The following FLT1 variants were observed in gnomAD, a reference collection of about 807,000 sequenced individuals.
The protein encoded by FLT1 is fms related receptor tyrosine kinase 1.
In FLT1, 49 loss-of-function variants were observed where a neutral mutation model predicts 156.3. The observed-to-expected ratio is 0.31, with a 90% CI of 0.25 to 0.40. FLT1 has a LOEUF of 0.40. FLT1 is among the 10% of genes least tolerant of loss of function. The pLI, the probability that FLT1 is intolerant of heterozygous loss-of-function variation, is 1.00. For missense variants in FLT1, 1,322 were observed against 1,637.2 expected (o/e 0.81, Z 3.32); for synonymous variants, 594 against 583.8 (o/e 1.02, Z -0.25).
chr13:28,385,962 C>T, intron 13 of FLT1: 1 of 1,050,782 alleles, frequency 9.5e-7, no homozygotes, highest in Non-Finnish European at 1.1e-6. Flanking sequence ...AAAATAAAAA[C>T]AACTCCTAAT....
At chr13:28,416,745 G>A (rs2137519129) in intron 10 of FLT1, among the ~76,000 whole-genome samples, 1 of 152,244 alleles carries the variant, frequency 6.6e-6, no homozygotes. Flanking sequence ...ATTATATTTG[G>A]CTCTAGATGG....
At position 28,384,793 on chromosome 13, in the gene FLT1, T is replaced by C. The variant is rs553652938; in HGVS notation, c.2116+92A>G. Reference sequence around the variant, plus strand: ...GGGGCTCTATCAGCAAGTAGGTCTATACATACTGGAAGCAGGTGACGGGAC... The same window carrying C: ...GGGGCTCTATCAGCAAGTAGGTCTACACATACTGGAAGCAGGTGACGGGAC... On this transcript the variant is annotated intron_variant, in intron 14 of 29. Coordinates refer to ENST00000282397, the MANE Select transcript of FLT1 (RefSeq NM_002019.4). 34 of 1,211,882 alleles carry C rather than the reference T, an allele frequency of 2.8e-5. No individual in the cohort carries two copies. The East Asian group carries it at 6.3e-4, about 22-fold the overall frequency. 75.1% of individuals were successfully genotyped at this position (1,211,882 alleles called of 1,614,324 possible).
In FLT1 at chr13:28,301,200, T is replaced by C. The variant is rs1375855287; in HGVS notation, c.*1967A>G. 4 of 232,182 alleles carry C rather than the reference T, an allele frequency of 1.7e-5. No individual in the cohort carries two copies. Among genetic ancestry groups the C allele is most frequent in the Non-Finnish European group, 3.4e-5 (4 of 117,772 alleles). The allele number at this position is 232,182 out of a possible 1,614,324, so 14.4% of individuals were successfully genotyped here. A position where few individuals can be genotyped will look rare whatever the true frequency, so the allele number is the denominator to read the frequency against. On this transcript the variant is annotated 3_prime_UTR_variant, in exon 30 of 30. Transcript: ENST00000282397. ...AAAAAAAAAAAAGTAGAGAATTGAC[T>C]GAGGTCTTCTTTTTTCTGTGTTTAA...
At position 28,431,149 on chromosome 13, in the gene FLT1, T is replaced by G. The variant is rs1877656203; in HGVS notation, c.975A>C (p.Ser325=). ...AACTATGCTTACCATATATATGCAC[T>G]GAGGTGTTAACAGATTTGAATGATG... The part of the protein sequence containing the change: ...SGPSFKSVNT[S]VHIYDKAFIT... Residue 325 remains serine (S), a synonymous_variant, in exon 7 of 30, where the codon TCA becomes TCC. Transcript: ENST00000282397. The G allele has an allele frequency of 6.2e-7, 1 of 1,613,262 alleles. No individual in the cohort carries two copies. The highest frequency in any genetic ancestry group is 8.5e-7 in the Non-Finnish European group (1 of 1,179,206).
At chr13:28,363,374 T>C (rs1360880747) in intron 14 of FLT1, among the ~76,000 whole-genome samples, 1 of 152,222 alleles carries the variant, frequency 6.6e-6, no homozygotes, top group Admixed American at 6.5e-5. Flanking sequence ...ATGAGATTTA[T>C]AGATACTTTA....
chr13:28,449,780 G>C (rs1053501457), intron 3 of FLT1, among the ~76,000 whole-genome samples: 5 of 152,210 alleles, frequency 3.3e-5, no homozygotes, highest in African/African-American at 1.2e-4. Flanking sequence ...CCTACTACCT[G>C]CCTTTCCTCA....
intron 3 of FLT1, among the ~76,000 whole-genome samples, chr13:28,438,837 C>G (rs958907148): frequency 1.3e-5 from 2 of 152,192 alleles, no homozygotes; most frequent in Non-Finnish European, 2.9e-5. Context: ...ATTTGAATGA[C>G]AGAAGCATGA....
At chr13:28,313,757 T>C (rs143927010) in intron 25 of FLT1, among the ~76,000 whole-genome samples, 1 of 152,220 alleles carries the variant, frequency 6.6e-6, no homozygotes, top group African/African-American at 2.4e-5. Context: ...CTAGTTCATA[T>C]CCTCCCTCTG....
At chr13:28,469,509 GA>G (rs1360581364) in intron 1 of FLT1, among the ~76,000 whole-genome samples, 1 of 152,144 alleles carries the variant, frequency 6.6e-6, no homozygotes, top group East Asian at 1.9e-4. Context: ...CTCGTGAGTG[GA>G]ACTGGAAAGC....
intron 1 of FLT1, among the ~76,000 whole-genome samples, chr13:28,482,653 A>T (rs1272225520): frequency 6.6e-6 from 1 of 152,184 alleles, no homozygotes; most frequent in African/African-American, 2.4e-5. Flanking sequence ...ATCGGTTTGG[A>T]CTATAAAGCG....
At chr13:28,334,253 C>A in intron 17 of FLT1, 124 bp from the exon 18 acceptor site, 1 of 774,026 alleles carries the variant, frequency 1.3e-6, no homozygotes, top group South Asian at 1.4e-5. Flanking sequence ...GTGAACTAAC[C>A]CTAAAAGAGA....
chr13:28,494,805 C>A lies in FLT1; in HGVS notation c.39G>T (p.Ala13=), dbSNP rs1390465368. 1.9e-6 allele frequency: 3 copies of A among 1,574,984 alleles called. No individual in the cohort carries two copies. Among genetic ancestry groups the A allele is most frequent in the South Asian group, 2.3e-5 (2 of 86,788 alleles). ...SYWDTGVLLC[A]LLSCLLLTGS... is the part of the protein sequence containing the mutation. ...CTGTGAGAAGCAGACAGCTGAGCAG[C>A]GCGCACAGCAGGACCCCGGTGTCCC... The change falls in exon 1 of 30, where the codon GCG becomes GCT. Residue 13 remains alanine (A), a synonymous_variant. Coordinates refer to ENST00000282397, the MANE Select transcript of FLT1 (RefSeq NM_002019.4).
chr13:28,344,094 C>T (rs1872465640), intron 16 of FLT1, among the ~76,000 whole-genome samples: 1 of 152,070 alleles, frequency 6.6e-6, no homozygotes, highest in Non-Finnish European at 1.5e-5. Flanking sequence ...CCCCACTCCC[C>T]CCATTCCTGC....
intron 24 of FLT1, among the ~76,000 whole-genome samples, chr13:28,319,087 A>G (rs1326660821): frequency 1.3e-5 from 2 of 152,092 alleles, no homozygotes; most frequent in Admixed American, 1.3e-4. Context: ...AGGGCATTAG[A>G]GGTGTGGGTG....
intron 25 of FLT1, among the ~76,000 whole-genome samples, chr13:28,315,214 G>A (rs1039671749): frequency 6.6e-6 from 1 of 152,164 alleles, no homozygotes; most frequent in Non-Finnish European, 1.5e-5. Context: ...GCACTTATAA[G>A]CACCAAATAA....
intron 12 of FLT1, among the ~76,000 whole-genome samples, chr13:28,391,859 G>A (rs1033993533): frequency 6.6e-6 from 1 of 152,070 alleles, no homozygotes; most frequent in Admixed American, 6.6e-5. Context: ...ATTTTAAAAA[G>A]TCTGCCGGCC....
At chr13:28,389,547 TG>T (rs1258190806) in intron 13 of FLT1, 15 of 1,431,436 alleles carry the variant, frequency 1.0e-5, no homozygotes, top group Non-Finnish European at 1.4e-5. Flanking sequence ...TCGGCCTGAA[TG>T]GGGGGCCCAG....
intron 14 of FLT1, among the ~76,000 whole-genome samples, chr13:28,378,050 CTTTTTT>C (rs869039457): frequency 7.3e-6 from 1 of 136,166 alleles, no homozygotes; most frequent in Non-Finnish European, 1.6e-5. Context: ...GAGACTTAAT[CTTTTTT>C]TTTTTTTTTT....
intron 1 of FLT1, among the ~76,000 whole-genome samples, chr13:28,485,721 A>G (rs1054812166): frequency 1.3e-5 from 2 of 152,162 alleles, no homozygotes; most frequent in Non-Finnish European, 2.9e-5. Context: ...AATGTGGTAG[A>G]GCGGTGTTGT....
Sources: gnomAD v4.1 joint callset for allele counts (sites outside exome capture counted in the v4.1 genomes callset) on GRCh38, gnomAD v4.1.1 for gene constraint, MANE v1.5 for transcripts, NCBI Gene and HGNC (gene_info 2026-07-23, HGNC 2026-07-21) for gene names.